JMJD4: variants seen among roughly 807,000 people sequenced by gnomAD.
JMJD4 encodes the protein jumonji domain containing 4.
A neutral mutation model predicts 36.3 loss-of-function variants in JMJD4; 34 were observed. That is an observed-to-expected ratio of 0.94 (90% CI 0.71 to 1.25). The LOEUF is 1.25. Among genes scored for constraint, JMJD4 ranks in the 50% most tolerant of loss-of-function variants. The pLI is 0.00. For missense variants in JMJD4, 584 were observed against 559.1 expected (o/e 1.04, Z -0.45); for synonymous variants, 269 against 235.3 (o/e 1.14, Z -1.31).
intron 2 of JMJD4, 112 bp downstream of exon 2, chr1:227,734,537 TCA>T (rs1349701785): frequency 2.1e-6 from 2 of 949,934 alleles, no homozygotes; most frequent in East Asian, 4.9e-5. Context: ...TTAAAGTGCC[TCA>T]CGGGGAAAAA....
Position 227,732,415 on chromosome 1 carries a change from C to T in JMJD4, c.1231G>A (p.Val411Ile). Residue 411 changes from valine (V) to isoleucine (I), a missense_variant, in exon 6 of 6, where the codon GTT (valine) becomes ATT (isoleucine). Coordinates refer to ENST00000620518, the MANE Select transcript of JMJD4 (RefSeq NM_023007.3). ...KELLQQLREA[V>I]DAAAAP ...TGCTATGGGGCCGCAGCAGCATCAA[C>T]AGCCTCTCTCAGCTGCTGCAGCAGC... 6.2e-7 allele frequency: 1 copy of T among 1,612,916 alleles called. No individual in the cohort carries two copies.
In JMJD4 at chr1:227,734,995, T is replaced by C; in HGVS notation, c.262+17A>G. The C allele has an allele frequency of 6.6e-7, 1 of 1,514,494 alleles. No individual in the cohort carries two copies. Among genetic ancestry groups the C allele is most frequent in the South Asian group, 1.3e-5 (1 of 75,870 alleles). 93.8% of individuals were successfully genotyped at this position (1,514,494 alleles called of 1,614,324 possible). On this transcript the variant is annotated intron_variant, in intron 1 of 5. Coordinates refer to ENST00000620518, the MANE Select transcript of JMJD4 (RefSeq NM_023007.3). ...CGGCCTTTCCTCCCCGCCCGGGGTC[T>C]GCGGCCGCCGCCCCACCGTAGGTCC... is the stretch of plus-strand genomic sequence containing the variant.
In JMJD4 at chr1:227,732,986, G is replaced by A. The variant is rs1423607680; in HGVS notation, c.864C>T (p.Phe288=). 4 of 1,613,508 alleles carry A rather than the reference G, an allele frequency of 2.5e-6. No homozygotes were observed. The highest frequency in any genetic ancestry group is 3.4e-6 in the Non-Finnish European group (4 of 1,180,028). The change falls in exon 5 of 6, where the codon TTC becomes TTT. Residue 288 remains phenylalanine (F), a synonymous_variant. Transcript: ENST00000620518. The part of the protein sequence containing the change: ...ISINHNWVNG[F]NLANMWRFLQ... Reference sequence around the variant, plus strand: ...AGAAGCGCCACATGTTGGCCAGGTTGAAGCCATTGACCCAGTTGTGGTTGA... The same window carrying A: ...AGAAGCGCCACATGTTGGCCAGGTTAAAGCCATTGACCCAGTTGTGGTTGA...
intron 2 of JMJD4, 127 bp downstream of exon 2, chr1:227,734,524 T>C: frequency 3.7e-6 from 3 of 811,102 alleles, no homozygotes; most frequent in East Asian, 2.5e-5. Context: ...TCTTTTAAAC[T>C]GATTAAAGTG....
Position 227,731,621 on chromosome 1 carries a change from G to A in JMJD4, c.*771C>T, listed in dbSNP as rs1480371466. 2.0e-5 allele frequency: 3 copies of A among 152,672 alleles called. No homozygotes were observed. Among genetic ancestry groups the A allele is most frequent in the Non-Finnish European group, 4.4e-5 (3 of 68,438 alleles). The allele number at this position is 152,672 out of a possible 1,614,324, so 9.5% of individuals were successfully genotyped here. On this transcript the variant is annotated 3_prime_UTR_variant, in exon 6 of 6. Coordinates refer to ENST00000620518, the MANE Select transcript of JMJD4 (RefSeq NM_023007.3). ...TCACTGCTGTGCCTTGATCGGCCTG[G>A]ACGAGCCCGCCCACACCTCCATCAT... is the stretch of plus-strand genomic sequence containing the variant.
intron 4 of JMJD4, 58 bp downstream of exon 4, chr1:227,733,356 T>G: frequency 6.6e-7 from 1 of 1,519,940 alleles, no homozygotes. Context: ...GGGGAGGTGG[T>G]GCTGCCGTCT....
chr1:227,732,448 G>T lies in JMJD4; in HGVS notation c.1198C>A (p.Pro400Thr), dbSNP rs753714968. Residue 400 changes from proline to threonine, a missense_variant, in exon 6 of 6, where the codon CCC (proline) becomes ACC (threonine). Pro to Thr is a conservative substitution (Grantham distance 38). Coordinates refer to ENST00000620518, the MANE Select transcript of JMJD4 (RefSeq NM_023007.3). ...CTCAGCTGCTGCAGCAGCTCTTTGG[G>T]CTGTGGTGAGAACGCGCTGGTGTCC... is the stretch of plus-strand genomic sequence containing the variant. ...RVDTSAFSPQ[P>T]KELLQQLREA... is the part of the protein sequence containing the mutation. The T allele has an allele frequency of 1.2e-6, 2 of 1,613,188 alleles. No homozygotes were observed. Among genetic ancestry groups the T allele is most frequent in the Non-Finnish European group, 8.5e-7 (1 of 1,180,036 alleles).
Position 227,732,029 on chromosome 1 carries a change from G to A in JMJD4, c.*363C>T, listed in dbSNP as rs980945029. The A allele has an allele frequency of 7.6e-5, 24 of 315,344 alleles. No individual in the cohort carries two copies. Among genetic ancestry groups the A allele is most frequent in the Admixed American group, 1.7e-4 (4 of 23,256 alleles). The allele number at this position is 315,344 out of a possible 1,614,324, so 19.5% of individuals were successfully genotyped here. ...CAGGGGTGGTCCAATGGCCTGAGACGAGGGGACAGGGCTGGCCTATTAAGA... is the reference window on the plus strand; with the variant it reads ...CAGGGGTGGTCCAATGGCCTGAGACAAGGGGACAGGGCTGGCCTATTAAGA... On this transcript the variant is annotated 3_prime_UTR_variant, in exon 6 of 6. Transcript: ENST00000620518.
At position 227,733,931 on chromosome 1, in the gene JMJD4, A is replaced by G. The variant is rs1660862200; in HGVS notation, c.530T>C (p.Val177Ala). Residue 177 changes from valine to alanine, a missense_variant, in exon 3 of 6, where the codon GTC becomes GCC. Coordinates refer to ENST00000620518, the MANE Select transcript of JMJD4 (RefSeq NM_023007.3). ...DALDVDDYRF[V>A]YAGPAGSWSP... is the part of the protein sequence containing the mutation. The stretch of plus-strand genomic sequence containing the variant: ...CCAGCTGCCCGCAGGCCCCGCGTAG[A>G]CAAAGCGGTAGTCATCCACATCCAG... 3.1e-6 allele frequency: 5 copies of G among 1,613,874 alleles called. No individual in the cohort carries two copies. In the East Asian group the frequency reaches 1.1e-4, roughly 36 times the overall value.
Position 227,732,870 on chromosome 1 carries a change from A to G in JMJD4, c.969+11T>C. On this transcript the variant is annotated intron_variant, in intron 5 of 5. Transcript: ENST00000620518. ...CCCCAGGAGGGTAGCCTCCATGCGT[A>G]GCCACCCCACCTGGCAGTGGTGGTG... 1.2e-6 allele frequency: 2 copies of G among 1,612,246 alleles called. No homozygotes were observed. Among genetic ancestry groups the G allele is most frequent in the Non-Finnish European group, 8.5e-7 (1 of 1,179,968 alleles).
chr1:227,734,931 C>T, intron 1 of JMJD4, 81 bp downstream of exon 1: 3 of 1,518,460 alleles, frequency 2.0e-6, no homozygotes, highest in Non-Finnish European at 2.7e-6. Context: ...CTCCCTGGTG[C>T]CCCTCTCTAG....
At position 227,733,485 on chromosome 1, in the gene JMJD4, A is replaced by G; in HGVS notation, c.751T>C (p.Leu251=). Residue 251 remains leucine (L), a synonymous_variant, in exon 4 of 6, where the codon TTG becomes CTG. Coordinates refer to ENST00000620518, the MANE Select transcript of JMJD4 (RefSeq NM_023007.3). ...HPRNQLAGPP[L]EITQEAGEMV... is the part of the protein sequence containing the mutation. ...TCGCCCGCTTCCTGCGTGATCTCCAAGGGTGGGCCAGCAAGCTGGTTCCGT... is the reference window on the plus strand; with the variant it reads ...TCGCCCGCTTCCTGCGTGATCTCCAGGGGTGGGCCAGCAAGCTGGTTCCGT... 3 of 1,594,602 alleles carry G rather than the reference A, an allele frequency of 1.9e-6. No homozygotes were observed. Among genetic ancestry groups the G allele is most frequent in the Non-Finnish European group, 2.6e-6 (3 of 1,170,332 alleles).
chr1:227,732,907 T>A lies in JMJD4; in HGVS notation c.943A>T (p.Met315Leu). Residue 315 changes from methionine (M) to leucine (L), a missense_variant, in exon 5 of 6, where the codon ATG (methionine) becomes TTG (leucine). Physicochemically the swap from Met to Leu is conservative, Grantham distance 15. Transcript: ENST00000620518. ...TGGCAGTGGTGGTGCCAGTCGGGCATGGAGTCCCTCCACTCGCTGACCTCC... is the reference window on the plus strand; with the variant it reads ...TGGCAGTGGTGGTGCCAGTCGGGCAAGGAGTCCCTCCACTCGCTGACCTCC... The part of the protein sequence containing the change: ...QEEVSEWRDS[M>L]PDWHHHCQVI... 1 of 1,612,810 alleles carries A rather than the reference T, an allele frequency of 6.2e-7. No homozygotes were observed. Among genetic ancestry groups the A allele is most frequent in the East Asian group, 2.2e-5 (1 of 44,862 alleles).
At position 227,732,081 on chromosome 1, in the gene JMJD4, C is replaced by T. The variant is rs1660685946; in HGVS notation, c.*311G>A. 2 of 472,230 alleles carry T rather than the reference C, an allele frequency of 4.2e-6. No individual in the cohort carries two copies. Among genetic ancestry groups the T allele is most frequent in the Admixed American group, 3.4e-5 (1 of 29,470 alleles). The allele number at this position is 472,230 out of a possible 1,614,324, so 29.3% of individuals were successfully genotyped here. ...GAGCCACCAGAGAAGGCACACCAGA[C>T]ACAGACTCCTGTCAGCTCAGGCGTC... On this transcript the variant is annotated 3_prime_UTR_variant, in exon 6 of 6. Coordinates refer to ENST00000620518, the MANE Select transcript of JMJD4 (RefSeq NM_023007.3).
intron 3 of JMJD4, 79 bp downstream of exon 3, chr1:227,733,828 C>T: frequency 6.3e-7 from 1 of 1,595,608 alleles, no homozygotes; most frequent in South Asian, 1.1e-5. Context: ...CAAGCAGCCC[C>T]CCTCCTGCCA....
rs1427310963 is a variant in JMJD4 at position 227,733,001 on chromosome 1, G to A, written c.849C>T (p.Asn283=). The part of the protein sequence containing the change: ...NLDDTISINH[N]WVNGFNLANM... Reference sequence around the variant, plus strand: ...TGGCCAGGTTGAAGCCATTGACCCAGTTGTGGTTGATGGAGATGGTGTCAT... The same window carrying A: ...TGGCCAGGTTGAAGCCATTGACCCAATTGTGGTTGATGGAGATGGTGTCAT... The change falls in exon 5 of 6, where the codon AAC becomes AAT. Residue 283 remains asparagine (N), a synonymous_variant. Coordinates refer to ENST00000620518, the MANE Select transcript of JMJD4 (RefSeq NM_023007.3). 6.2e-7 allele frequency: 1 copy of A among 1,613,524 alleles called. No individual in the cohort carries two copies. The highest frequency in any genetic ancestry group is 1.7e-5 in the Admixed American group (1 of 60,028).
rs1419205723 is a variant in JMJD4 at position 227,735,297 on chromosome 1, CCCT to C, written c.-27_-25del. 4 of 1,604,932 alleles carry C rather than the reference CCCT, an allele frequency of 2.5e-6. No individual in the cohort carries two copies. Among genetic ancestry groups the C allele is most frequent in the Non-Finnish European group, 3.4e-6 (4 of 1,177,586 alleles). On this transcript the variant is annotated 5_prime_UTR_variant, in exon 1 of 6. Coordinates refer to ENST00000620518, the MANE Select transcript of JMJD4 (RefSeq NM_023007.3). The stretch of plus-strand genomic sequence containing the variant: ...ATCCAGCTCAGCACGGGTCGAAGGA[CCCT>C]CCTCCTCACTTCCGCCGGAGCGGAA...
chr1:227,733,081 C>A (rs1660780872), intron 4 of JMJD4, 54 bp from the exon 5 acceptor site: 1 of 1,586,412 alleles, frequency 6.3e-7, no homozygotes, highest in Non-Finnish European at 8.6e-7. Context: ...GCCCCCTGAC[C>A]AACCCACATC....
At chr1:227,733,762 T>A in intron 3 of JMJD4, 81 bp from the exon 4 acceptor site, 11 of 1,590,380 alleles carry the variant, frequency 6.9e-6, no homozygotes, top group Non-Finnish European at 8.5e-6. Flanking sequence ...CTGGTCCAAC[T>A]GAAGGAGGGG....
Sources: gnomAD v4.1 joint callset for allele counts on GRCh38, gnomAD v4.1.1 for gene constraint, MANE v1.5 for transcripts, NCBI Gene and HGNC (gene_info 2026-07-23, HGNC 2026-07-21) for gene names.